The following GALNTL6 variants were observed in gnomAD, a reference collection of about 807,000 sequenced individuals.
The protein encoded by GALNTL6 is polypeptide N-acetylgalactosaminyltransferase-like 6.
In GALNTL6, 46 loss-of-function variants were observed where a neutral mutation model predicts 73.7. The observed-to-expected ratio is 0.62, with a 90% CI of 0.49 to 0.80. The LOEUF (loss-of-function observed/expected upper bound fraction) is 0.80, where lower values mean the gene tolerates loss of function less well. Among genes scored for constraint, GALNTL6 ranks in the 30% least tolerant of loss-of-function variants. GALNTL6 has a pLI of 0.00. For missense variants in GALNTL6, 604 were observed against 755.0 expected (o/e 0.80, Z 2.34); for synonymous variants, 259 against 263.7 (o/e 0.98, Z 0.17).
At chr4:172,324,541 A>G (rs971437547) in intron 4 of GALNTL6, among the ~76,000 whole-genome samples, 6 of 151,460 alleles carry the variant, frequency 4.0e-5, no homozygotes, top group South Asian at 4.2e-4. Flanking sequence ...AAGTCGGAAT[A>G]TAGGAGATTT....
chr4:172,677,598 A>G (rs1732376404), intron 5 of GALNTL6, among the ~76,000 whole-genome samples: 1 of 152,100 alleles, frequency 6.6e-6, no homozygotes, highest in Non-Finnish European at 1.5e-5. Flanking sequence ...AGAGTAGAAT[A>G]AAGGGTAAAA....
intron 5 of GALNTL6, among the ~76,000 whole-genome samples, chr4:172,459,830 A>G (rs922203566): frequency 6.6e-6 from 1 of 152,176 alleles, no homozygotes; most frequent in Non-Finnish European, 1.5e-5. Context: ...TCAAGCTACC[A>G]TTGACTTTCT....
At chr4:172,548,532 A>C (rs1177971538) in intron 5 of GALNTL6, among the ~76,000 whole-genome samples, 1 of 152,216 alleles carries the variant, frequency 6.6e-6, no homozygotes, top group Non-Finnish European at 1.5e-5. Flanking sequence ...CATTAGAGCA[A>C]TCTAAAGTTT....
intron 2 of GALNTL6, among the ~76,000 whole-genome samples, chr4:172,103,949 CT>C (rs369503993): frequency 9.6e-4 from 136 of 141,430 alleles, no homozygotes; most frequent in Non-Finnish European, 1.1e-3. Flanking sequence ...TTCTTTTTCT[CT>C]TTTTTTTTTT....
intron 5 of GALNTL6, among the ~76,000 whole-genome samples, chr4:172,387,306 T>C (rs1488471700): frequency 1.3e-5 from 2 of 152,190 alleles, no homozygotes; most frequent in Non-Finnish European, 2.9e-5. Context: ...CAGCCTAAGG[T>C]TTCTTTCTTT....
chr4:171,995,913 A>G (rs1394853), intron 2 of GALNTL6, among the ~76,000 whole-genome samples: 101,843 of 151,934 alleles, frequency 0.67, 36,807 homozygotes, highest in Non-Finnish European at 0.8. Context: ...TGATAATATA[A>G]CACTTAACAA....
intron 2 of GALNTL6, among the ~76,000 whole-genome samples, chr4:171,974,684 C>T (rs78028921): frequency 0.038 from 5,761 of 152,058 alleles, 306 homozygotes; most frequent in African/African-American, 0.11. Flanking sequence ...TAATACACAG[C>T]TATACAAGAC....
chr4:172,685,632 A>G (rs1732871584), intron 5 of GALNTL6, among the ~76,000 whole-genome samples: 1 of 152,120 alleles, frequency 6.6e-6, no homozygotes, highest in Non-Finnish European at 1.5e-5. Context: ...TTCTTCTATA[A>G]CCATCTCATC....
chr4:172,585,278 G>A (rs551975202), intron 5 of GALNTL6, among the ~76,000 whole-genome samples: 47 of 151,918 alleles, frequency 3.1e-4, no homozygotes, highest in African/African-American at 9.9e-4. Context: ...CAGGATACAC[G>A]TGCAGAACAT....
At position 172,912,651 on chromosome 4, in the gene GALNTL6, G is replaced by A. The variant is rs142006795; in HGVS notation, c.1042-18510G>A. On this transcript the variant is annotated intron_variant, in intron 8 of 12. Transcript: ENST00000506823. ...CAGTCCAAGACCCAACTGAGAGGCC[G>A]CAGCGAGGGTGGGGGAGGGGCATCT... is the stretch of plus-strand genomic sequence containing the variant. Among the ~76,000 whole-genome samples, 15 of 152,280 alleles carry A rather than the reference G, an allele frequency of 9.9e-5. No individual in the cohort carries two copies. In the East Asian group the frequency reaches 2.5e-3, roughly 25 times the overall value.
intron 2 of GALNTL6, among the ~76,000 whole-genome samples, chr4:172,195,435 C>T (rs1046518548): frequency 6.6e-6 from 1 of 152,078 alleles, no homozygotes; most frequent in Non-Finnish European, 1.5e-5. Context: ...TCAAATAGAC[C>T]TGATAGATAT....
At chr4:172,516,043 ACAAATATTTTTG>A (rs1734596129) in intron 5 of GALNTL6, among the ~76,000 whole-genome samples, 1 of 152,212 alleles carries the variant, frequency 6.6e-6, no homozygotes, top group African/African-American at 2.4e-5. Context: ...ATTCATGAGG[ACAAATATTTTTG>A]TTTAAATCAC....
At chr4:172,083,367 T>C (rs1586816) in intron 2 of GALNTL6, among the ~76,000 whole-genome samples, 132,206 of 152,148 alleles carry the variant, frequency 0.87, 57,604 homozygotes, top group South Asian at 0.92. Flanking sequence ...GAGCTAGTGA[T>C]ATCCTAGCTC....
chr4:173,036,188 GC>G (rs1753688507), intron 12 of GALNTL6, among the ~76,000 whole-genome samples: 1 of 152,042 alleles, frequency 6.6e-6, no homozygotes, highest in Non-Finnish European at 1.5e-5. Flanking sequence ...TTGTCTCTCC[GC>G]CCCCTATGTG....
chr4:171,955,861 C>T (rs1739029304), intron 2 of GALNTL6, among the ~76,000 whole-genome samples: 1 of 152,050 alleles, frequency 6.6e-6, no homozygotes, highest in Non-Finnish European at 1.5e-5. Flanking sequence ...CTTGCTTTCC[C>T]CCAAAAAGAC....
intron 5 of GALNTL6, among the ~76,000 whole-genome samples, chr4:172,643,106 G>T (rs1168829298): frequency 7.9e-6 from 1 of 126,410 alleles, no homozygotes; most frequent in Non-Finnish European, 1.7e-5. Flanking sequence ...AGATTCTTTT[G>T]TAAAAAAAAA....
intron 2 of GALNTL6, among the ~76,000 whole-genome samples, chr4:171,822,666 C>A (rs926055244): frequency 6.6e-6 from 1 of 152,186 alleles, no homozygotes; most frequent in Admixed American, 6.5e-5. Flanking sequence ...ATCAATTTTT[C>A]TTTTATTGTT....
intron 2 of GALNTL6, among the ~76,000 whole-genome samples, chr4:171,854,441 G>A (rs1735622276): frequency 6.6e-6 from 1 of 152,140 alleles, no homozygotes; most frequent in South Asian, 2.1e-4. Context: ...TCACAAAATT[G>A]ACCCCATGAT....
At chr4:171,857,844 G>T (rs1419936080) in intron 2 of GALNTL6, among the ~76,000 whole-genome samples, 2 of 152,118 alleles carry the variant, frequency 1.3e-5, no homozygotes, top group East Asian at 3.8e-4. Context: ...ATATGTTTTT[G>T]CAAGGGAATA....
Sources: gnomAD v4.1 joint callset for allele counts (sites outside exome capture counted in the v4.1 genomes callset) on GRCh38, gnomAD v4.1.1 for gene constraint, MANE v1.5 for transcripts, NCBI Gene and HGNC (gene_info 2026-07-23, HGNC 2026-07-21) for gene names.